CHD1: variants seen among roughly 807,000 people sequenced by gnomAD.
CHD1 encodes the protein ATP-dependent chromatin remodeler CHD1.
CHD1 carries 36 observed loss-of-function variants against 224.2 expected under a neutral mutation model. That is an observed-to-expected ratio of 0.16 (90% CI 0.12 to 0.21). The LOEUF is 0.21. Among genes scored for constraint, CHD1 ranks in the 10% least tolerant of loss-of-function variants. CHD1 has a pLI of 1.00. For synonymous variants in CHD1, 668 were observed against 658.3 expected (o/e 1.01, Z -0.23); for missense variants, 1,378 against 1,994.8 (o/e 0.69, Z 5.89).
In CHD1 at chr5:98,856,293, T is replaced by A; in HGVS notation, c.*87A>T. 1 of 917,164 alleles carries A rather than the reference T, an allele frequency of 1.1e-6. No individual in the cohort carries two copies. 56.8% of individuals were successfully genotyped at this position (917,164 alleles called of 1,614,324 possible). A position where few individuals can be genotyped will look rare whatever the true frequency, so the allele number is the denominator to read the frequency against. On this transcript the variant is annotated 3_prime_UTR_variant, in exon 36 of 36. Transcript: ENST00000614616. ...GCTACTGATAGAAGATCTGTTTATA[T>A]CTTTCAAGTCATGTAAGGCAATTAC...
intron 28 of CHD1, among the ~76,000 whole-genome samples, chr5:98,871,131 A>G (rs1164129386): frequency 1.3e-5 from 2 of 151,890 alleles, no homozygotes; most frequent in Admixed American, 6.6e-5. Context: ...ATCCTTAAAC[A>G]CCTTCCCTTC....
Position 98,912,929 on chromosome 5 carries a change from T to C in CHD1, c.54-7831A>G, listed in dbSNP as rs192309994. The stretch of plus-strand genomic sequence containing the variant: ...ATTTCCCTACTTTTTCTTTCCTTTA[T>C]TTTTAACCTGTTAACAGTGATTAGC... On this transcript the variant is annotated intron_variant, in intron 2 of 35. Transcript: ENST00000614616. Among the ~76,000 whole-genome samples, 167 of 152,334 alleles carry C rather than the reference T, an allele frequency of 1.1e-3. 1 individual carries two copies. The highest frequency in any genetic ancestry group is 3.9e-3 in the African/African-American group (162 of 41,574).
At chr5:98,903,054 C>T in intron 4 of CHD1, 90 bp from the exon 5 acceptor site, 5 of 674,780 alleles carry the variant, frequency 7.4e-6, no homozygotes, top group South Asian at 6.6e-5. Flanking sequence ...TTAACATTCA[C>T]TTTACAAATA....
chr5:98,881,672 G>A (rs1750199151), intron 20 of CHD1, among the ~76,000 whole-genome samples: 1 of 152,094 alleles, frequency 6.6e-6, no homozygotes, highest in Admixed American at 6.5e-5. Flanking sequence ...ACCATGCCCA[G>A]CTAAGTTTTT....
At chr5:98,862,753 T>C (rs77993580) in intron 32 of CHD1, among the ~76,000 whole-genome samples, 244 of 152,254 alleles carry the variant, frequency 1.6e-3, no homozygotes, top group African/African-American at 5.3e-3. Flanking sequence ...AACTAAGTAT[T>C]TTCATTCAGT....
rs1473551040 is a variant in CHD1 at position 98,880,962 on chromosome 5, A to AT, written c.3060+113dup. Reference sequence around the variant, plus strand: ...CTGAACAAGAGAGAGTAGTTTTTACATAACACAGCAATCTTCCTGATTATG... The same window carrying AT: ...CTGAACAAGAGAGAGTAGTTTTTACATTAACACAGCAATCTTCCTGATTATG... On this transcript the variant is annotated intron_variant, in intron 22 of 35. Transcript: ENST00000614616. 4.2e-6 allele frequency: 3 copies of AT among 711,378 alleles called. No homozygotes were observed. In the African/African-American group the frequency reaches 5.5e-5, roughly 13 times the overall value. The allele number at this position is 711,378 out of a possible 1,614,324, so 44.1% of individuals were successfully genotyped here.
chr5:98,900,661 G>A (rs1215722581), intron 7 of CHD1, 150 bp downstream of exon 7: 14 of 653,962 alleles, frequency 2.1e-5, no homozygotes, highest in African/African-American at 3.7e-5. Context: ...GGCTGGTCTA[G>A]AACTCCTGAC....
At chr5:98,903,663 A>T in intron 4 of CHD1, 129 bp downstream of exon 4, 1 of 756,696 alleles carries the variant, frequency 1.3e-6, no homozygotes, top group Non-Finnish European at 2.3e-6. Flanking sequence ...GATTCTTGAT[A>T]TATACACTTA....
In CHD1 at chr5:98,875,132, T is replaced by G; in HGVS notation, c.3399-19A>C. ...GATAAACCTAAGAGAAAATAATTGT[T>G]TGGTAAATGTGAGCTTCAGTATTCA... On this transcript the variant is annotated intron_variant, in intron 24 of 35. Transcript: ENST00000614616. The G allele has an allele frequency of 6.9e-7, 1 of 1,449,702 alleles. No individual in the cohort carries two copies. Among genetic ancestry groups the G allele is most frequent in the Non-Finnish European group, 9.6e-7 (1 of 1,041,730 alleles). 89.8% of individuals were successfully genotyped at this position (1,449,702 alleles called of 1,614,324 possible).
chr5:98,903,225 A>T (rs17732892), intron 4 of CHD1, among the ~76,000 whole-genome samples: 9,357 of 152,224 alleles, frequency 0.061, 329 homozygotes, highest in South Asian at 0.12. Context: ...ACTGGAGACC[A>T]TTATTGTTGC....
chr5:98,868,395 A>G, intron 31 of CHD1, 100 bp downstream of exon 31: 1 of 1,060,216 alleles, frequency 9.4e-7, no homozygotes, highest in East Asian at 2.8e-5. Context: ...TCAATCTACA[A>G]TAAATTCAAA....
intron 13 of CHD1, 64 bp from the exon 14 acceptor site, chr5:98,893,670 T>G (rs910321035): frequency 1.1e-5 from 10 of 949,664 alleles, no homozygotes; most frequent in Non-Finnish European, 1.6e-5. Flanking sequence ...CCTTCCCATT[T>G]AATCTGAACT....
rs1224912600 is a variant in CHD1 at position 98,899,524 on chromosome 5, T to C, written c.1041A>G (p.Lys347=). The part of the protein sequence containing the change: ...TLKQQNVRGM[K]KLDNYKKKDQ... ...CTTTTTTCTTATAATTATCCAATTT[T>C]TTCATTCCTCTAACATTCTGCTGCT... The change falls in exon 8 of 36, where the codon AAA becomes AAG. Residue 347 remains lysine (K), a synonymous_variant. Coordinates refer to ENST00000614616, the MANE Select transcript of CHD1 (RefSeq NM_001270.4). The C allele has an allele frequency of 6.2e-7, 1 of 1,613,420 alleles. No individual in the cohort carries two copies. Among genetic ancestry groups the C allele is most frequent in the African/African-American group, 1.3e-5 (1 of 74,910 alleles).
At chr5:98,862,446 A>G (rs925950482) in intron 32 of CHD1, among the ~76,000 whole-genome samples, 1 of 152,222 alleles carries the variant, frequency 6.6e-6, no homozygotes, top group Non-Finnish European at 1.5e-5. Flanking sequence ...TCTCCTGGCT[A>G]TTAGTCTCTC....
In CHD1 at chr5:98,881,352, T is replaced by G. The variant is rs751045207; in HGVS notation, c.2891A>C (p.Glu964Ala). The change falls in exon 21 of 36, where the codon GAG (glutamate) becomes GCG (alanine). Residue 964 changes from glutamate (E) to alanine (A), a missense_variant. This residue lies in a region of CHD1 where 286 missense variants were observed against 445.1 expected (regional missense o/e 0.64). Coordinates refer to ENST00000614616, the MANE Select transcript of CHD1 (RefSeq NM_001270.4). ...ACCAAACTTTAAAATGGCTGATAAC[T>G]CTTCTTTATTGAAAGGAGTAGAACT... The part of the protein sequence containing the change: ...PSSSTPFNKE[E>A]LSAILKFGAE... 8.4e-6 allele frequency: 13 copies of G among 1,548,452 alleles called. No homozygotes were observed. Among genetic ancestry groups the G allele is most frequent in the Non-Finnish European group, 1.1e-5 (13 of 1,145,996 alleles).
intron 2 of CHD1, 58 bp downstream of exon 2, chr5:98,926,276 A>G: frequency 9.4e-7 from 1 of 1,068,770 alleles, no homozygotes. Context: ...AATAAAGAAA[A>G]AAGTCAAGTT....
intron 22 of CHD1, among the ~76,000 whole-genome samples, chr5:98,880,685 CTTGAG>C (rs1359909367): frequency 6.6e-6 from 1 of 152,122 alleles, no homozygotes; most frequent in Admixed American, 6.6e-5. Context: ...GACTGATTTA[CTTGAG>C]TTTTCTTATT....
intron 3 of CHD1, among the ~76,000 whole-genome samples, chr5:98,904,467 C>T (rs1020882872): frequency 1.3e-5 from 2 of 152,148 alleles, no homozygotes; most frequent in African/African-American, 4.8e-5. Context: ...TACCCTATTC[C>T]ATCATTATCT....
In CHD1 at chr5:98,899,946, AT is replaced by A. The variant is rs1244304614; in HGVS notation, c.860-242del. On this transcript the variant is annotated intron_variant, in intron 7 of 35. Coordinates refer to ENST00000614616, the MANE Select transcript of CHD1 (RefSeq NM_001270.4). ...ATAAAAAGACAGAGATCCACCTGAGATCCCACAGCATTATTCTATAATTATC... is the reference window on the plus strand; with the variant it reads ...ATAAAAAGACAGAGATCCACCTGAGACCCACAGCATTATTCTATAATTATC... Among the ~76,000 whole-genome samples, 4 of 152,130 alleles carry A rather than the reference AT, an allele frequency of 2.6e-5. No individual in the cohort carries two copies. The East Asian group carries it at 7.7e-4, about 29-fold the overall frequency.
Sources: gnomAD v4.1 joint callset for allele counts (sites outside exome capture counted in the v4.1 genomes callset) on GRCh38, gnomAD v4.1.1 for gene constraint, gnomAD v4.1.1 regional missense constraint, MANE v1.5 for transcripts, NCBI Gene and HGNC (gene_info 2026-07-23, HGNC 2026-07-21) for gene names.